The following PVT1 variants were observed in gnomAD, a reference collection of about 807,000 sequenced individuals.
The protein encoded by PVT1 is CXCR4/PVT1 fusion.
chr8:127,871,504 T>G (rs529197628), intron 2 of PVT1, among the ~76,000 whole-genome samples: 16 of 152,190 alleles, frequency 1.1e-4, no homozygotes, highest in Non-Finnish European at 1.9e-4. Context: ...GGACTCCCAG[T>G]GTCCAGGGGC....
chr8:127,889,182 T>C (rs1366873529), intron 2 of PVT1, among the ~76,000 whole-genome samples: 1 of 151,680 alleles, frequency 6.6e-6, no homozygotes, highest in Non-Finnish European at 1.5e-5. Context: ...CAGGCTGGAA[T>C]GCAGTGGTGT....
intron 5 of PVT1, among the ~76,000 whole-genome samples, chr8:128,070,809 C>T (rs114283920): frequency 0.016 from 2,392 of 152,198 alleles, 64 homozygotes; most frequent in African/African-American, 0.055. Context: ...AAGCCAGGGC[C>T]AATTCTTCCC....
chr8:127,802,292 T>C (rs1035003357), intron 2 of PVT1, among the ~76,000 whole-genome samples: 1 of 152,116 alleles, frequency 6.6e-6, no homozygotes, highest in African/African-American at 2.4e-5. Flanking sequence ...TAGATCATTA[T>C]AGCCTCGACC....
At chr8:128,012,564 A>G (rs115156079) in intron 4 of PVT1, among the ~76,000 whole-genome samples, 1,926 of 152,324 alleles carry the variant, frequency 0.013, 37 homozygotes, top group African/African-American at 0.043. Context: ...ATGTGAGCCA[A>G]CGTTGGCCCT....
chr8:127,995,609 T>C (rs1447927274), intron 4 of PVT1, among the ~76,000 whole-genome samples: 2 of 152,194 alleles, frequency 1.3e-5, no homozygotes, highest in Non-Finnish European at 2.9e-5. Context: ...ACTATCCTTA[T>C]AGTAGTAGTA....
At chr8:127,855,566 G>A (rs1815151862) in intron 2 of PVT1, among the ~76,000 whole-genome samples, 1 of 152,132 alleles carries the variant, frequency 6.6e-6, no homozygotes, top group Non-Finnish European at 1.5e-5. Flanking sequence ...TCTCTCTCCC[G>A]GGAAGGGAGA....
chr8:127,844,696 T>C (rs932669508), intron 2 of PVT1, among the ~76,000 whole-genome samples: 5 of 150,910 alleles, frequency 3.3e-5, no homozygotes, highest in Non-Finnish European at 7.4e-5. Context: ...AGGTGTGTTT[T>C]TTTTTTGTTT....
intron 2 of PVT1, among the ~76,000 whole-genome samples, chr8:127,866,375 G>A (rs1815286815): frequency 6.6e-6 from 1 of 152,144 alleles, no homozygotes; most frequent in African/African-American, 2.4e-5. Context: ...CAGAGTGGGG[G>A]CCAGATGACA....
intron 3 of PVT1, among the ~76,000 whole-genome samples, chr8:127,908,128 G>A (rs184047194): frequency 5.7e-4 from 86 of 152,070 alleles, no homozygotes; most frequent in Admixed American, 3.7e-3. Context: ...CCTTCTTTTT[G>A]TGTGTTGGGT....
chr8:127,849,824 C>T (rs1815085702), intron 2 of PVT1, among the ~76,000 whole-genome samples: 1 of 126,036 alleles, frequency 7.9e-6, no homozygotes, highest in Non-Finnish European at 1.6e-5. Context: ...CGTGCACGTG[C>T]GTGGGTGCAC....
rs552685424 is a variant in PVT1, at chr8:127,809,480, C to A, written n.372+13409C>A. Among the ~76,000 whole-genome samples, 29 of 152,286 alleles carry A rather than the reference C, an allele frequency of 1.9e-4. No homozygotes were observed. The East Asian group carries it at 5.6e-3, about 29-fold the overall frequency. On this transcript the variant is annotated intron_variant and non_coding_transcript_variant, in intron 2 of 10. Transcript: ENST00000651587. ...AAGTGTTGGAATTACAGGAATGAGC[C>A]ATCATGCTCGGCTCTATGGAAGGTT...
At chr8:127,991,136 C>CTT (rs1471313507) in intron 4 of PVT1, among the ~76,000 whole-genome samples, 1 of 136,392 alleles carries the variant, frequency 7.3e-6, no homozygotes. Flanking sequence ...TTTTTCTTTT[C>CTT]TTTCTTTTTT....
intron 2 of PVT1, among the ~76,000 whole-genome samples, chr8:127,816,783 C>T (rs1814665973): frequency 2.6e-5 from 4 of 152,200 alleles, no homozygotes; most frequent in Admixed American, 2.6e-4. Flanking sequence ...CTCGGCCTCC[C>T]GTTTGTATTC....
At chr8:127,988,870 T>C (rs1271191000) in intron 3 of PVT1, among the ~76,000 whole-genome samples, 3 of 152,274 alleles carry the variant, frequency 2.0e-5, no homozygotes, top group South Asian at 2.1e-4. Flanking sequence ...GGTGGGGGCT[T>C]ATGAGTCAGA....
intron 4 of PVT1, among the ~76,000 whole-genome samples, chr8:128,016,919 C>T (rs1554604503): frequency 6.6e-6 from 1 of 152,182 alleles, no homozygotes; most frequent in Non-Finnish European, 1.5e-5. Flanking sequence ...AAGATGGTGG[C>T]TCATGCCTGT....
chr8:127,984,290 G>C (rs955136889), intron 3 of PVT1: 3 of 152,136 alleles, frequency 2.0e-5, no homozygotes, highest in African/African-American at 4.8e-5. Context: ...CTTTAATTCT[G>C]TAATCCTCAA....
Position 128,071,219 on chromosome 8 carries a change from C to T in PVT1, n.1114+858C>T, listed in dbSNP as rs540645260. 2.6e-5 allele frequency among the ~76,000 whole-genome samples: 4 copies of T among 152,278 alleles called. No homozygotes were observed. In the East Asian group the frequency reaches 7.7e-4, roughly 29 times the overall value. The stretch of plus-strand genomic sequence containing the variant: ...GAAATCAATAGAAAGATTCGAAGGG[C>T]AGAGCACCAAAGTTCCTGCCCTGCA... On this transcript the variant is annotated intron_variant and non_coding_transcript_variant, in intron 5 of 10. Transcript: ENST00000651587.
chr8:127,909,382 G>C (rs1023366892), intron 3 of PVT1, among the ~76,000 whole-genome samples: 10 of 152,192 alleles, frequency 6.6e-5, no homozygotes, highest in African/African-American at 2.4e-4. Flanking sequence ...TCAAAGTGAT[G>C]CATCTCGAGA....
At chr8:127,868,795 A>ATATG (rs1491442519) in intron 2 of PVT1, among the ~76,000 whole-genome samples, 1 of 55,332 alleles carries the variant, frequency 1.8e-5, no homozygotes, top group Non-Finnish European at 4.4e-5. Context: ...ATATATATAC[A>ATATG]TATATATGTA....
Sources: gnomAD v4.1 joint callset for allele counts (sites outside exome capture counted in the v4.1 genomes callset) on GRCh38, gnomAD v4.1.1 for gene constraint, MANE v1.5 for transcripts, NCBI Gene and HGNC (gene_info 2026-07-23, HGNC 2026-07-21) for gene names.